The following PUS7 variants were observed in gnomAD, a reference collection of about 807,000 sequenced individuals.
PUS7 encodes the protein pseudouridine synthase 7.
A neutral mutation model predicts 79.8 loss-of-function variants in PUS7; 48 were observed. The ratio of observed to expected loss-of-function variants is 0.60; its 90% CI spans 0.48 to 0.76. The LOEUF is 0.76. PUS7 is among the 30% of genes least tolerant of loss of function. The pLI, the probability that PUS7 is intolerant of heterozygous loss-of-function variation, is 0.00. For missense variants in PUS7, 729 were observed against 797.6 expected (o/e 0.91, Z 1.04); for synonymous variants, 286 against 272.2 (o/e 1.05, Z -0.50).
At chr7:105,513,312 TCA>T in intron 1 of PUS7, among the ~76,000 whole-genome samples, 1 of 152,250 alleles carries the variant, frequency 6.6e-6, no homozygotes, top group Non-Finnish European at 1.5e-5. Context: ...CACAGGGACT[TCA>T]CAGTCAGCAA....
rs1823842486 is a variant in PUS7 at position 105,470,790 on chromosome 7, A to T, written c.1296T>A (p.Thr432=). The T allele has an allele frequency of 6.2e-7, 1 of 1,612,628 alleles. No individual in the cohort carries two copies. Among genetic ancestry groups the T allele is most frequent in the Non-Finnish European group, 8.5e-7 (1 of 1,178,808 alleles). ...REEWAKTKDP[T]AALRKLPVKR... Reference sequence around the variant, plus strand: ...TGACAGGTAGTTTTCTGAGGGCAGCAGTTGGGTCTTTGGTCTTTGCCCATT... The same window carrying T: ...TGACAGGTAGTTTTCTGAGGGCAGCTGTTGGGTCTTTGGTCTTTGCCCATT... Residue 432 remains threonine (T), a synonymous_variant, in exon 11 of 16, where the codon ACT becomes ACA. Coordinates refer to ENST00000469408, the MANE Select transcript of PUS7 (RefSeq NM_019042.5).
intron 9 of PUS7, among the ~76,000 whole-genome samples, chr7:105,473,565 T>C (rs1294767120): frequency 6.6e-6 from 1 of 152,174 alleles, no homozygotes; most frequent in Admixed American, 6.6e-5. Context: ...ATTACAGGCT[T>C]GCGCCACCAT....
intron 5 of PUS7, among the ~76,000 whole-genome samples, chr7:105,500,798 C>T (rs1288460252): frequency 1.3e-5 from 2 of 152,238 alleles, no homozygotes; most frequent in Non-Finnish European, 2.9e-5. Context: ...AATCACTTTC[C>T]ACTGGGCTTA....
chr7:105,496,115 G>A (rs1825003130), intron 5 of PUS7, among the ~76,000 whole-genome samples: 1 of 150,200 alleles, frequency 6.7e-6, no homozygotes. Flanking sequence ...CCAAGATCGT[G>A]CCATTGCATT....
intron 14 of PUS7, 84 bp downstream of exon 14, chr7:105,462,537 A>T: frequency 7.1e-7 from 1 of 1,409,244 alleles, no homozygotes; most frequent in Non-Finnish European, 9.7e-7. Flanking sequence ...ATTCTTGTGC[A>T]GTACATGACT....
At chr7:105,519,556 A>ATTC (rs1826025224) in intron 1 of PUS7, among the ~76,000 whole-genome samples, 1 of 152,172 alleles carries the variant, frequency 6.6e-6, no homozygotes, top group Admixed American at 6.5e-5. Flanking sequence ...GACACACTGC[A>ATTC]TTCTAATATG....
chr7:105,495,267 G>T lies in PUS7; in HGVS notation c.731-14C>A, dbSNP rs756474478. ...GTTTTCTTGGATCTTGAAAGCAAAAGAATTAACATTATATATACCATAATA... is the reference window on the plus strand; with the variant it reads ...GTTTTCTTGGATCTTGAAAGCAAAATAATTAACATTATATATACCATAATA... On this transcript the variant is annotated splice_polypyrimidine_tract_variant and intron_variant, in intron 5 of 15. Transcript: ENST00000469408. 11 of 1,400,840 alleles carry T rather than the reference G, an allele frequency of 7.9e-6. No homozygotes were observed. In the South Asian group the frequency reaches 1.2e-4, roughly 15 times the overall value. 86.8% of individuals were successfully genotyped at this position (1,400,840 alleles called of 1,614,324 possible).
intron 7 of PUS7, 37 bp downstream of exon 7, chr7:105,491,503 T>C (rs1283045623): frequency 2.2e-6 from 3 of 1,337,392 alleles, no homozygotes; most frequent in Non-Finnish European, 3.1e-6. Flanking sequence ...TGCCAGGATA[T>C]TTACAGTATA....
At chr7:105,495,108 T>G in intron 6 of PUS7, 34 bp downstream of exon 6, 1 of 1,276,826 alleles carries the variant, frequency 7.8e-7, no homozygotes, top group Non-Finnish European at 1.1e-6. Flanking sequence ...TTCTGTTGCT[T>G]TGATTTTGTA....
intron 6 of PUS7, among the ~76,000 whole-genome samples, chr7:105,492,111 G>A (rs1256140129): frequency 6.7e-6 from 1 of 150,150 alleles, no homozygotes; most frequent in Non-Finnish European, 1.5e-5. Context: ...AGCTAGAAAA[G>A]TAAATGATAG....
chr7:105,487,311 A>G lies in PUS7; in HGVS notation c.920+4229T>C, dbSNP rs144089978. ...ACTTTCTGCCTCTATAGATTTTCCT[A>G]TTTCAGACACATCATATAAACAGAA... On this transcript the variant is annotated intron_variant, in intron 7 of 15. Transcript: ENST00000469408. 4.8e-3 allele frequency among the ~76,000 whole-genome samples: 726 copies of G among 152,240 alleles called. 2 individuals carry two copies. Among genetic ancestry groups the G allele is most frequent in the African/African-American group, 0.015 (642 of 41,554 alleles).
At chr7:105,516,276 A>G (rs894282287) in intron 1 of PUS7, among the ~76,000 whole-genome samples, 2 of 152,110 alleles carry the variant, frequency 1.3e-5, no homozygotes, top group Non-Finnish European at 2.9e-5. Context: ...TATAGTACCA[A>G]TGATTTTTAA....
intron 9 of PUS7, among the ~76,000 whole-genome samples, chr7:105,475,667 C>T (rs1198637410): frequency 1.3e-5 from 2 of 152,102 alleles, no homozygotes; most frequent in Non-Finnish European, 2.9e-5. Flanking sequence ...CTTCTACCTT[C>T]TTTTATTTTA....
intron 7 of PUS7, among the ~76,000 whole-genome samples, chr7:105,483,529 C>T (rs971768675): frequency 6.6e-6 from 1 of 152,154 alleles, no homozygotes; most frequent in African/African-American, 2.4e-5. Flanking sequence ...GAACTCCTGA[C>T]CTCAGGTGAT....
chr7:105,474,612 C>CAAAAAAAAAAAAAAAAAAAA, intron 9 of PUS7, among the ~76,000 whole-genome samples: 1 of 126,426 alleles, frequency 7.9e-6, no homozygotes, highest in African/African-American at 2.9e-5. Flanking sequence ...ACTAAAAATA[C>CAAAAAAAAAAAAAAAAAAAA]AAAAAAAAAA....
intron 10 of PUS7, among the ~76,000 whole-genome samples, chr7:105,471,137 TTCTC>T (rs1284775727): frequency 6.6e-5 from 10 of 152,374 alleles, no homozygotes; most frequent in South Asian, 4.1e-4. Flanking sequence ...ACTTTCTTCC[TTCTC>T]TCTTTTTCCA....
At chr7:105,460,964 C>T (rs1044942829) in intron 14 of PUS7, among the ~76,000 whole-genome samples, 1 of 152,014 alleles carries the variant, frequency 6.6e-6, no homozygotes, top group African/African-American at 2.4e-5. Flanking sequence ...ACCTTCCAGG[C>T]TCAAGCAATC....
intron 1 of PUS7, among the ~76,000 whole-genome samples, chr7:105,511,499 T>C (rs982956692): frequency 2.0e-5 from 3 of 149,366 alleles, no homozygotes; most frequent in African/African-American, 7.4e-5. Flanking sequence ...GCATGGCTCA[T>C]GCCTGAAATC....
chr7:105,511,775 G>C (rs956002222), intron 1 of PUS7, among the ~76,000 whole-genome samples: 1 of 151,398 alleles, frequency 6.6e-6, no homozygotes, highest in African/African-American at 2.4e-5. Context: ...AAAACAAAAC[G>C]AACAAAACAA....
Sources: allele counts gnomAD v4.1 joint callset (sites outside exome capture counted in the v4.1 genomes callset), GRCh38; gene constraint gnomAD v4.1.1; transcripts MANE v1.5; gene names NCBI Gene and HGNC (gene_info 2026-07-23, HGNC 2026-07-21).